NKX2-1: variants seen among roughly 807,000 people sequenced by gnomAD.
The protein encoded by NKX2-1 is NK2 homeobox 1.
In NKX2-1, 9 loss-of-function variants were observed where a neutral mutation model predicts 35.1. The observed-to-expected ratio is 0.26, with a 90% confidence interval of 0.15 to 0.45. NKX2-1 has a LOEUF of 0.45. Among genes scored for constraint, NKX2-1 ranks in the 20% least tolerant of loss-of-function variants. The pLI is 1.00. For missense variants in NKX2-1, 509 were observed against 589.1 expected (o/e 0.86, Z 1.41); for synonymous variants, 284 against 269.9 (o/e 1.05, Z -0.51).
chr14:36,517,091 A>AGGTTGG lies in NKX2-1; in HGVS notation c.*186_*187insCCAACC. On this transcript the variant is annotated 3_prime_UTR_variant, in exon 3 of 3. Coordinates refer to ENST00000354822, the MANE Select transcript of NKX2-1 (RefSeq NM_001079668.3). ...TTAAAAAAAAAAACCCACAAATTTTAGGGGGGGAAAAAAAGAAAGACGTCC... is the reference window on the plus strand; with the variant it reads ...TTAAAAAAAAAAACCCACAAATTTTAGGTTGGGGGGGGGAAAAAAAGAAAGACGTCC... The AGGTTGG allele has an allele frequency of 9.7e-7, 1 of 1,026,188 alleles. No individual in the cohort carries two copies. Among genetic ancestry groups the AGGTTGG allele is most frequent in the Non-Finnish European group, 1.3e-6 (1 of 759,254 alleles). The allele number at this position is 1,026,188 out of a possible 1,614,324, so 63.6% of individuals were successfully genotyped here.
At position 36,517,994 on chromosome 14, in the gene NKX2-1, C is replaced by A. The variant is rs746964966; in HGVS notation, c.490G>T (p.Gly164Cys). ...CCGCCCATGCCGCTCATGTTCATGC[C>A]GCTCGCCGGGCCCATGAAGCGGGAG... ...AISRFMGPAS[G>C]MNMSGMGGLG... Residue 164 changes from glycine (G) to cysteine (C), a missense_variant, in exon 3 of 3, where the codon GGC becomes TGC. Gly to Cys is a radical substitution (Grantham distance 159, BLOSUM62 -3). Transcript: ENST00000354822. 1.3e-5 allele frequency: 20 copies of A among 1,598,636 alleles called. No individual in the cohort carries two copies. Among genetic ancestry groups the A allele is most frequent in the Admixed American group, 1.7e-5 (1 of 59,978 alleles).
chr14:36,517,049 T>C lies in NKX2-1; in HGVS notation c.*229A>G, dbSNP rs1881051912. On this transcript the variant is annotated 3_prime_UTR_variant, in exon 3 of 3. Transcript: ENST00000354822. ...CCTTGAGATTGGATGCGCTTGGTTGTTTTTCATTTTCTTTTTTTAAAAAAA... is the reference window on the plus strand; with the variant it reads ...CCTTGAGATTGGATGCGCTTGGTTGCTTTTCATTTTCTTTTTTTAAAAAAA... 1 of 854,006 alleles carries C rather than the reference T, an allele frequency of 1.2e-6. No homozygotes were observed. Among genetic ancestry groups the C allele is most frequent in the South Asian group, 1.9e-5 (1 of 52,662 alleles). 52.9% of individuals were successfully genotyped at this position (854,006 alleles called of 1,614,324 possible). A position where few individuals can be genotyped will look rare whatever the true frequency, so the allele number is the denominator to read the frequency against.
intron 1 of NKX2-1, 95 bp from the exon 2 acceptor site, chr14:36,519,465 T>C: frequency 6.4e-7 from 1 of 1,558,886 alleles, no homozygotes; most frequent in Non-Finnish European, 8.7e-7. Flanking sequence ...ATTCTGGTGT[T>C]ACCTTAACGC....
rs981959350 is a variant in NKX2-1 at position 36,518,839 on chromosome 14, C to T, written c.463+146G>A. ...GCCGAGCAGGGGGAAGCATCCCCAG[C>T]TCCCGCACCCAAGTCCCTGGCGCCG... On this transcript the variant is annotated intron_variant, in intron 2 of 2. Transcript: ENST00000354822. 177 of 1,089,414 alleles carry T rather than the reference C, an allele frequency of 1.6e-4. 1 individual carries two copies. The African/African-American group carries it at 2.6e-3, about 16-fold the overall frequency. 67.5% of individuals were successfully genotyped at this position (1,089,414 alleles called of 1,614,324 possible). A position where few individuals can be genotyped will look rare whatever the true frequency, so the allele number is the denominator to read the frequency against.
Position 36,517,095 on chromosome 14 carries a change from G to C in NKX2-1, c.*183C>G. The C allele has an allele frequency of 9.2e-7, 1 of 1,091,388 alleles. No homozygotes were observed. The highest frequency in any genetic ancestry group is 2.1e-5 in the South Asian group (1 of 48,298). 67.6% of individuals were successfully genotyped at this position (1,091,388 alleles called of 1,614,324 possible). ...AAAAAAAAACCCACAAATTTTAGGG[G>C]GGGAAAAAAAGAAAGACGTCCAGCA... is the stretch of plus-strand genomic sequence containing the variant. On this transcript the variant is annotated 3_prime_UTR_variant, in exon 3 of 3. Transcript: ENST00000354822.
At chr14:36,518,089 A>T (rs1244732046) in intron 2 of NKX2-1, 69 bp from the exon 3 acceptor site, 7 of 1,565,864 alleles carry the variant, frequency 4.5e-6, no homozygotes, top group Non-Finnish European at 6.0e-6. Context: ...TTTCCGCGCC[A>T]TTGGCCCGCC....
chr14:36,518,125 TC>T, intron 2 of NKX2-1, 105 bp from the exon 3 acceptor site: 1 of 1,476,106 alleles, frequency 6.8e-7, no homozygotes, highest in Non-Finnish European at 9.1e-7. Context: ...GACGGCGCCC[TC>T]CTGACCCAGG....
rs763645944 is a variant in NKX2-1 at position 36,520,106 on chromosome 14, C to A, written c.24G>T (p.Lys8Asn). 1 of 1,613,234 alleles carries A rather than the reference C, an allele frequency of 6.2e-7. No homozygotes were observed. The highest frequency in any genetic ancestry group is 8.5e-7 in the Non-Finnish European group (1 of 1,179,930). MWSGGSG[K>N]ARGWEAAAGG... Reference sequence around the variant, plus strand: ...CCGCCGCGGCCTCCCAGCCCCGCGCCTTCCCACTGCCTCCGGACCACATCG... The same window carrying A: ...CCGCCGCGGCCTCCCAGCCCCGCGCATTCCCACTGCCTCCGGACCACATCG... Residue 8 changes from lysine (K) to asparagine (N), a missense_variant, in exon 1 of 3, where the codon AAG becomes AAT. By Grantham distance (94) the Lys-to-Asn change is moderately conservative. Around this residue, in one of 5 missense-constraint regions of NKX2-1, gnomAD observed 271 missense variants for 284.1 expected, o/e 0.95. Coordinates refer to ENST00000354822, the MANE Select transcript of NKX2-1 (RefSeq NM_001079668.3).
chr14:36,518,945 A>G (rs2139411091), intron 2 of NKX2-1, 40 bp downstream of exon 2: 1 of 1,507,168 alleles, frequency 6.6e-7, no homozygotes, highest in Non-Finnish European at 8.8e-7. Flanking sequence ...GCACCTCCTG[A>G]GCTCAGCCCG....
At position 36,518,874 on chromosome 14, in the gene NKX2-1, C is replaced by T. The variant is rs1009543031; in HGVS notation, c.463+111G>A. The T allele has an allele frequency of 7.7e-5, 103 of 1,329,480 alleles. 1 individual carries two copies. In the Admixed American group the frequency reaches 3.1e-3, roughly 40 times the overall value. The allele number at this position is 1,329,480 out of a possible 1,614,324, so 82.4% of individuals were successfully genotyped here. ...CAAGTCCCTGGCGCCGCTGCCGGGCCGCCCTCCCTGATGCCCAGCGCGCAG... is the reference window on the plus strand; with the variant it reads ...CAAGTCCCTGGCGCCGCTGCCGGGCTGCCCTCCCTGATGCCCAGCGCGCAG... On this transcript the variant is annotated intron_variant, in intron 2 of 2. Coordinates refer to ENST00000354822, the MANE Select transcript of NKX2-1 (RefSeq NM_001079668.3).
intron 1 of NKX2-1, 99 bp from the exon 2 acceptor site, chr14:36,519,469 T>C (rs554063033): frequency 1.2e-5 from 19 of 1,553,272 alleles, no homozygotes; most frequent in South Asian, 1.2e-4. Context: ...TGGTGTTACC[T>C]TAACGCCGAT....
intron 1 of NKX2-1, chr14:36,519,639 A>C: frequency 6.5e-7 from 1 of 1,528,224 alleles, no homozygotes; most frequent in South Asian, 1.2e-5. Flanking sequence ...ATAGAAGCCT[A>C]CATCTTGCCC....
At chr14:36,520,005 G>T in intron 1 of NKX2-1, 48 bp downstream of exon 1, 1 of 1,609,900 alleles carries the variant, frequency 6.2e-7, no homozygotes, top group Non-Finnish European at 8.5e-7. Context: ...CCCGGGCACG[G>T]ACAGGTCTTT....
chr14:36,516,478 A>G lies in NKX2-1; in HGVS notation c.*800T>C, dbSNP rs1360745246. On this transcript the variant is annotated 3_prime_UTR_variant, in exon 3 of 3. Coordinates refer to ENST00000354822, the MANE Select transcript of NKX2-1 (RefSeq NM_001079668.3). ...AACTATATTTAAGCCAAATATCTAC[A>G]TAAGTTACAACAGAAAAAGACTGAC... 2 of 231,900 alleles carry G rather than the reference A, an allele frequency of 8.6e-6. No individual in the cohort carries two copies. The highest frequency in any genetic ancestry group is 1.7e-5 in the Non-Finnish European group (2 of 117,240). 14.4% of individuals were successfully genotyped at this position (231,900 alleles called of 1,614,324 possible).
At chr14:36,519,695 T>C (rs1881256056) in intron 1 of NKX2-1, 1 of 1,509,552 alleles carries the variant, frequency 6.6e-7, no homozygotes, top group African/African-American at 1.4e-5. Context: ...CACCTTTAAG[T>C]TTCACTTGTC....
rs201979429 is a variant in NKX2-1 at position 36,520,101 on chromosome 14, C to T, written c.29G>A (p.Arg10Gln). The T allele has an allele frequency of 5.3e-4, 854 of 1,613,170 alleles. 4 individuals are homozygous for T. Among genetic ancestry groups the T allele is most frequent in the Middle Eastern group, 1.3e-3 (8 of 6,062 alleles). ...CCCTCCCGCCGCGGCCTCCCAGCCCCGCGCCTTCCCACTGCCTCCGGACCA... is the reference window on the plus strand; with the variant it reads ...CCCTCCCGCCGCGGCCTCCCAGCCCTGCGCCTTCCCACTGCCTCCGGACCA... MWSGGSGKA[R>Q]GWEAAAGGRS... The change falls in exon 1 of 3, where the codon CGG becomes CAG. Residue 10 changes from arginine (R) to glutamine (Q), a missense_variant. This residue lies in a region of NKX2-1 where 271 missense variants were observed against 284.1 expected (regional missense o/e 0.95). Transcript: ENST00000354822.
At position 36,517,258 on chromosome 14, in the gene NKX2-1, AG is replaced by A. The variant is rs758959506; in HGVS notation, c.*19del. 4.4e-6 allele frequency: 7 copies of A among 1,590,288 alleles called. No homozygotes were observed. In the Admixed American group the frequency reaches 1.1e-4, roughly 25 times the overall value. On this transcript the variant is annotated 3_prime_UTR_variant, in exon 3 of 3. Transcript: ENST00000354822. The stretch of plus-strand genomic sequence containing the variant: ...AAGCGGTGAGGCAGAGCGCTGGGCT[AG>A]GGCCGGCCCGGCGTCCTCTCACCAG...
chr14:36,519,408 G>T, intron 1 of NKX2-1, 38 bp from the exon 2 acceptor site: 1 of 1,611,398 alleles, frequency 6.2e-7, no homozygotes. Context: ...AAAAGGGAGA[G>T]GGGGAAGGCG....
rs1033462726 is a variant in NKX2-1, at chr14:36,519,761, T to C, written c.77+292A>G. The C allele has an allele frequency of 2.7e-6, 4 of 1,468,900 alleles. No homozygotes were observed. The African/African-American group carries it at 5.6e-5, about 21-fold the overall frequency. 91.0% of individuals were successfully genotyped at this position (1,468,900 alleles called of 1,614,324 possible). A position where few individuals can be genotyped will look rare whatever the true frequency, so the allele number is the denominator to read the frequency against. ...AGAGGCAGAGACGAGACCCAAAGCATTTCCCCCCTCCCTTGGACACCCCCA... is the reference window on the plus strand; with the variant it reads ...AGAGGCAGAGACGAGACCCAAAGCACTTCCCCCCTCCCTTGGACACCCCCA... On this transcript the variant is annotated intron_variant, in intron 1 of 2. Coordinates refer to ENST00000354822, the MANE Select transcript of NKX2-1 (RefSeq NM_001079668.3).
Sources: gnomAD v4.1 joint callset for allele counts on GRCh38, gnomAD v4.1.1 for gene constraint, gnomAD v4.1.1 regional missense constraint, MANE v1.5 for transcripts, NCBI Gene and HGNC (gene_info 2026-07-23, HGNC 2026-07-21) for gene names.